The following ITFG2 variants were observed in gnomAD, a reference collection of about 807,000 sequenced individuals.
ITFG2 encodes the protein KICSTOR complex protein ITFG2.
ITFG2 carries 36 observed loss-of-function variants against 54.4 expected under a neutral mutation model. The observed-to-expected ratio is 0.66, with a 90% CI of 0.51 to 0.87. The LOEUF is 0.87. ITFG2 is among the 40% of genes least tolerant of loss of function. The pLI is 0.00. For synonymous variants in ITFG2, 211 were observed against 225.4 expected (o/e 0.94, Z 0.57); for missense variants, 524 against 576.7 (o/e 0.91, Z 0.94).
At position 2,823,770 on chromosome 12, in the gene ITFG2, GC is replaced by G; in HGVS notation, c.1069del (p.Leu357CysfsTer39). ...VDENIRAFCA[G>X]LYACKEGRNS... The stretch of plus-strand genomic sequence containing the variant: ...TTATCTCCCTGCCAACATCTTCCAG[GC>G]CTGTACGCCTGCAAAGAGGGCCGCA... On this transcript the variant is annotated frameshift_variant and splice_region_variant, in exon 11 of 12. Transcript: ENST00000228799. LOFTEE classifies it high-confidence loss of function. 6.4e-7 allele frequency: 1 copy of G among 1,556,844 alleles called. No individual in the cohort carries two copies. Among genetic ancestry groups the G allele is most frequent in the Non-Finnish European group, 8.7e-7 (1 of 1,149,620 alleles).
At chr12:2,841,764 G>C (rs1476661577) in intron 2 of ITFG2, among the ~76,000 whole-genome samples, 1 of 151,822 alleles carries the variant, frequency 6.6e-6, no homozygotes, top group Non-Finnish European at 1.5e-5. Context: ...TGTCACCCAG[G>C]CTGGAGTGCA....
chr12:2,839,456 T>TCA (rs2098035949), intron 1 of ITFG2, among the ~76,000 whole-genome samples: 1 of 152,258 alleles, frequency 6.6e-6, no homozygotes, highest in African/African-American at 2.4e-5. Flanking sequence ...TTGGAAAATG[T>TCA]CTGTTATTCT....
chr12:2,838,053 T>A (rs2098032793), intron 1 of ITFG2, among the ~76,000 whole-genome samples: 1 of 152,146 alleles, frequency 6.6e-6, no homozygotes, highest in Non-Finnish European at 1.5e-5. Flanking sequence ...TAGACTTAGC[T>A]TTAGTGGAAC....
At chr12:2,859,003 A>G (rs3742076) in intron 3 of ITFG2, 294,249 of 1,611,960 alleles carry the variant, frequency 0.18, 33,291 homozygotes, top group African/African-American at 0.53. Context: ...GCACCCTGGG[A>G]GGTTTGTACT....
intron 2 of ITFG2, 48 bp downstream of exon 2, chr12:2,817,366 G>A: frequency 1.5e-6 from 2 of 1,370,370 alleles, no homozygotes; most frequent in South Asian, 1.2e-5. Flanking sequence ...GATCCCTTCT[G>A]TCCAGGGACC....
intron 2 of ITFG2, among the ~76,000 whole-genome samples, chr12:2,852,185 G>C (rs2098073198): frequency 6.6e-6 from 1 of 152,122 alleles, no homozygotes; most frequent in South Asian, 2.1e-4. Context: ...CCTTGTCTGA[G>C]ACACATTCCT....
At chr12:2,850,206 T>G (rs2098065512) in intron 2 of ITFG2, among the ~76,000 whole-genome samples, 1 of 152,138 alleles carries the variant, frequency 6.6e-6, no homozygotes, top group African/African-American at 2.4e-5. Context: ...CCGGACCCAG[T>G]GGCTCACACC....
chr12:2,854,568 C>A (rs2098081334), intron 2 of ITFG2, among the ~76,000 whole-genome samples: 1 of 152,220 alleles, frequency 6.6e-6, no homozygotes, highest in Non-Finnish European at 1.5e-5. Flanking sequence ...GCACTCTGGG[C>A]CCTTTGCATG....
At chr12:2,849,424 T>C in intron 2 of ITFG2, 1 of 1,535,882 alleles carries the variant, frequency 6.5e-7, no homozygotes, top group Non-Finnish European at 8.7e-7. Context: ...AGGCAGAGGG[T>C]TTGGGCAGGG....
chr12:2,849,305 G>C, intron 2 of ITFG2: 1 of 1,536,150 alleles, frequency 6.5e-7, no homozygotes, highest in Non-Finnish European at 8.7e-7. Context: ...AGATGGTGGA[G>C]GGGTAAGGCA....
upstream of ITFG2, chr12:2,836,619 T>G (rs1369855430): frequency 6.6e-6 from 1 of 152,254 alleles, no homozygotes; most frequent in South Asian, 2.1e-4. Flanking sequence ...CCCCCAAATG[T>G]ACCCCTAACC....
At chr12:2,814,134 G>T (rs1324993841) in intron 1 of ITFG2, among the ~76,000 whole-genome samples, 1 of 152,070 alleles carries the variant, frequency 6.6e-6, no homozygotes, top group Non-Finnish European at 1.5e-5. Context: ...TTGTAGAGAT[G>T]AGGTCTCACT....
intron 2 of ITFG2, among the ~76,000 whole-genome samples, chr12:2,843,214 T>C (rs1159846714): frequency 1.3e-5 from 2 of 152,194 alleles, no homozygotes; most frequent in Non-Finnish European, 1.5e-5. Flanking sequence ...TATTTCAGGC[T>C]TTCTCCTCTG....
At chr12:2,856,915 G>T (rs1458593964) in intron 2 of ITFG2, 3 of 702,946 alleles carry the variant, frequency 4.3e-6, no homozygotes, top group Non-Finnish European at 5.2e-6. Context: ...AGCCCAGTGG[G>T]GTACAAAAAG....
At chr12:2,821,863 C>A in intron 9 of ITFG2, 71 bp downstream of exon 9, 1 of 1,144,106 alleles carries the variant, frequency 8.7e-7, no homozygotes, top group Non-Finnish European at 1.3e-6. Context: ...TTGGAATAAT[C>A]AGGCTATTCT....
In ITFG2 at chr12:2,821,765, C is replaced by A; in HGVS notation, c.921C>A (p.Leu307=). The part of the protein sequence containing the change: ...LLWSVQVDHQ[L]FALEKLDVTG... The stretch of plus-strand genomic sequence containing the variant: ...GGTCAGTGCAGGTGGATCACCAGCT[C>A]TTTGCCCTGGAGAAACTGGATGTCA... The change falls in exon 9 of 12, where the codon CTC becomes CTA. Residue 307 remains leucine (L), a synonymous_variant. Coordinates refer to ENST00000228799, the MANE Select transcript of ITFG2 (RefSeq NM_018463.4). The A allele has an allele frequency of 6.2e-7, 1 of 1,614,040 alleles. No homozygotes were observed. The highest frequency in any genetic ancestry group is 8.5e-7 in the Non-Finnish European group (1 of 1,179,952).
At chr12:2,835,078 G>T (rs932919745), upstream of ITFG2, 16 of 1,439,890 alleles carry the variant, frequency 1.1e-5, no homozygotes, top group Middle Eastern at 2.3e-4. Context: ...GAGAGGGAGG[G>T]TTGGCAGGGC....
In ITFG2 at chr12:2,812,704, CG is replaced by C. The variant is rs2097911684; in HGVS notation, c.-52del. ...CCTTCCGCTCTGGCGGCTGTCGCGACGGGGGTTCAGGGAATATTTACTGGGC... is the reference window on the plus strand; with the variant it reads ...CCTTCCGCTCTGGCGGCTGTCGCGACGGGGTTCAGGGAATATTTACTGGGC... On this transcript the variant is annotated 5_prime_UTR_variant, in exon 1 of 12. Coordinates refer to ENST00000228799, the MANE Select transcript of ITFG2 (RefSeq NM_018463.4). 13 of 1,491,398 alleles carry C rather than the reference CG, an allele frequency of 8.7e-6. No individual in the cohort carries two copies. The East Asian group carries it at 2.8e-4, about 32-fold the overall frequency. 92.4% of individuals were successfully genotyped at this position (1,491,398 alleles called of 1,614,324 possible).
At chr12:2,829,614 A>G (rs2097989745), downstream of ITFG2, among the ~76,000 whole-genome samples, 1 of 151,944 alleles carries the variant, frequency 6.6e-6, no homozygotes, top group Non-Finnish European at 1.5e-5. Context: ...ATACAAAAAA[A>G]GAATTAGCCA....
Sources: allele counts gnomAD v4.1 joint callset (sites outside exome capture counted in the v4.1 genomes callset), GRCh38; gene constraint gnomAD v4.1.1; transcripts MANE v1.5; gene names NCBI Gene and HGNC (gene_info 2026-07-23, HGNC 2026-07-21).